The following ESR1 variants were observed in gnomAD, a reference collection of about 807,000 sequenced individuals.
ESR1 encodes estrogen receptor.
A neutral mutation model predicts 52.7 loss-of-function variants in ESR1; 12 were observed. The observed-to-expected ratio is 0.23, with a 90% CI of 0.15 to 0.37. ESR1 has a LOEUF of 0.37. ESR1 is among the 10% of genes least tolerant of loss of function. The pLI is 1.00. For missense variants in ESR1, 584 were observed against 779.7 expected, an observed-to-expected ratio of 0.75 and a Z score of 2.99; for synonymous variants, 305 against 316.8, an observed-to-expected ratio of 0.96 and a Z score of 0.39.
chr6:152,082,813 CCAAT>C (rs2049343190), intron 6 of ESR1, among the ~76,000 whole-genome samples: 1 of 152,152 alleles, frequency 6.6e-6, no homozygotes, highest in Admixed American at 6.5e-5. Context: ...TTCCTGTACA[CCAAT>C]AATAGACAAA....
At chr6:151,997,086 A>C (rs2041557331) in intron 4 of ESR1, among the ~76,000 whole-genome samples, 2 of 152,014 alleles carry the variant, frequency 1.3e-5, no homozygotes, top group South Asian at 2.1e-4. Flanking sequence ...AAAAACAAAA[A>C]AAAAACAAAG....
intron 2 of ESR1, among the ~76,000 whole-genome samples, chr6:151,759,401 A>C (rs1333664788): frequency 4.6e-5 from 7 of 152,034 alleles, no homozygotes; most frequent in African/African-American, 1.7e-4. Flanking sequence ...TCATTGGGAG[A>C]TATACTTAAT....
chr6:151,718,664 C>T (rs1781231809), intron 2 of ESR1, among the ~76,000 whole-genome samples: 2 of 152,180 alleles, frequency 1.3e-5, no homozygotes, highest in South Asian at 2.1e-4. Flanking sequence ...TGTTTGCTGA[C>T]AATTAGTGAT....
chr6:151,695,785 GC>G lies in ESR1; in HGVS notation c.-202+5122del, dbSNP rs1210116723. Reference sequence around the variant, plus strand: ...AGCAATAACTGGTCAGAATTTATTTGCTTAAAACCATGTAAAGAAAGGTGCT... The same window carrying G: ...AGCAATAACTGGTCAGAATTTATTTGTTAAAACCATGTAAAGAAAGGTGCT... On this transcript the variant is annotated intron_variant, in intron 1 of 2. Transcript: ENST00000404742. Among the ~76,000 whole-genome samples, 4 of 152,204 alleles carry G rather than the reference GC, an allele frequency of 2.6e-5. No homozygotes were observed. In the East Asian group the frequency reaches 7.7e-4, roughly 29 times the overall value.
chr6:151,774,659 TA>T (rs1176480835), intron 2 of ESR1, among the ~76,000 whole-genome samples: 30 of 152,330 alleles, frequency 2.0e-4, no homozygotes, highest in Admixed American at 5.2e-4. Context: ...TCCATTTAGA[TA>T]GTCTATATTA....
chr6:151,883,738 T>C (rs1415178453), intron 3 of ESR1, among the ~76,000 whole-genome samples: 1 of 152,142 alleles, frequency 6.6e-6, no homozygotes, highest in African/African-American at 2.4e-5. Context: ...CTCATAGCTC[T>C]GGAGGCTGAA....
chr6:151,917,491 T>C (rs1310736932), intron 3 of ESR1, among the ~76,000 whole-genome samples: 1 of 152,118 alleles, frequency 6.6e-6, no homozygotes, highest in Non-Finnish European at 1.5e-5. Context: ...GAATTTTTAT[T>C]AAAATAAAAT....
chr6:151,724,844 TACAGATGGTA>T (rs1300832547), intron 2 of ESR1, among the ~76,000 whole-genome samples: 2 of 152,168 alleles, frequency 1.3e-5, no homozygotes, highest in African/African-American at 4.8e-5. Flanking sequence ...CCAGAGTTAT[TACAGATGGTA>T]ACATCTGATG....
chr6:151,727,980 C>T (rs370917623), intron 2 of ESR1, among the ~76,000 whole-genome samples: 5 of 152,154 alleles, frequency 3.3e-5, no homozygotes, highest in Non-Finnish European at 5.9e-5. Flanking sequence ...TTCATAGCAG[C>T]GTGAAAATTA....
rs74470687 is a variant in ESR1 at position 151,870,472 on chromosome 6, G to C, written c.644-10183G>C. 8.1e-3 allele frequency among the ~76,000 whole-genome samples: 1,237 copies of C among 152,200 alleles called. 14 individuals carry two copies. Among genetic ancestry groups the C allele is most frequent in the African/African-American group, 0.028 (1,170 of 41,530 alleles). On this transcript the variant is annotated intron_variant, in intron 2 of 7. Coordinates refer to ENST00000206249, the MANE Select transcript of ESR1 (RefSeq NM_000125.4). The stretch of plus-strand genomic sequence containing the variant: ...ATTTAGGTGCTCTTGTTCAGTCATC[G>C]TCAAGTTCTTTTTATTTCACCAACC...
upstream of ESR1, chr6:151,690,376 C>T (rs1201191261): frequency 1.3e-5 from 2 of 152,154 alleles, no homozygotes; most frequent in Non-Finnish European, 2.9e-5. Flanking sequence ...AAGTTAGATT[C>T]GGGCCTGGCT....
intron 3 of ESR1, among the ~76,000 whole-genome samples, chr6:151,938,546 G>A (rs145679085): frequency 0.013 from 1,936 of 152,142 alleles, 18 homozygotes; most frequent in Non-Finnish European, 0.02. Context: ...ACAAGTTGTC[G>A]CCTGTACTGC....
In ESR1 at chr6:151,665,424, A is replaced by G. The variant is rs564281934; in HGVS notation, n.73+8661A>G. Among the ~76,000 whole-genome samples, 11 of 152,284 alleles carry G rather than the reference A, an allele frequency of 7.2e-5. No individual in the cohort carries two copies. In the East Asian group the frequency reaches 2.1e-3, roughly 29 times the overall value. ...CTCAGAGAGATTTTGTTTTAAAGAG[A>G]CAATGCAGTTAGAGGATCGTGATCT... is the stretch of plus-strand genomic sequence containing the variant. On this transcript the variant is annotated intron_variant and non_coding_transcript_variant, in intron 1 of 2. Transcript: ENST00000473497.
rs142651624 is a variant in ESR1 at position 152,116,153 on chromosome 6, C to T, written c.851-9113C>T. Among the ~76,000 whole-genome samples, 308 of 152,158 alleles carry T rather than the reference C, an allele frequency of 2.0e-3. 2 individuals are homozygous for T. Among genetic ancestry groups the T allele is most frequent in the African/African-American group, 6.7e-3 (278 of 41,508 alleles). ...CATCACGACTTTTTTAGAAAGCAAACGGGCAGAATTTATTAAAATTTACTA... is the reference window on the plus strand; with the variant it reads ...CATCACGACTTTTTTAGAAAGCAAATGGGCAGAATTTATTAAAATTTACTA... On this transcript the variant is annotated intron_variant, in intron 6 of 6. Transcript: ENST00000427531.
intron 2 of ESR1, among the ~76,000 whole-genome samples, chr6:151,729,194 GGA>G (rs1342614909): frequency 6.6e-6 from 1 of 152,162 alleles, no homozygotes; most frequent in Non-Finnish European, 1.5e-5. Context: ...AAGAGGCCTA[GGA>G]GAGCTAGCTT....
At chr6:151,885,803 C>T (rs575287162) in intron 3 of ESR1, among the ~76,000 whole-genome samples, 18 of 152,030 alleles carry the variant, frequency 1.2e-4, no homozygotes, top group Non-Finnish European at 1.8e-4. Flanking sequence ...TGCAGTGAGC[C>T]GAGATTGCAC....
intron 4 of ESR1, among the ~76,000 whole-genome samples, chr6:151,968,725 C>T (rs972030230): frequency 6.6e-6 from 1 of 152,098 alleles, no homozygotes; most frequent in Non-Finnish European, 1.5e-5. Context: ...CCATGCCTCT[C>T]CCTACACTGG....
rs1359517633 is a variant in ESR1, at chr6:152,102,810, T to C, written c.*3844T>C. ...ATTGTGCCTGAACTTTTAAAATATG[T>C]AAATGCTGCCATGTTCCAAACCCAT... On this transcript the variant is annotated 3_prime_UTR_variant, in exon 8 of 8. Transcript: ENST00000206249. 2 of 225,006 alleles carry C rather than the reference T, an allele frequency of 8.9e-6. No homozygotes were observed. Among genetic ancestry groups the C allele is most frequent in the Admixed American group, 5.7e-5 (1 of 17,450 alleles). The allele number at this position is 225,006 out of a possible 1,614,324, so 13.9% of individuals were successfully genotyped here.
At chr6:151,830,611 T>G (rs1030522936) in intron 1 of ESR1, among the ~76,000 whole-genome samples, 1 of 152,212 alleles carries the variant, frequency 6.6e-6, no homozygotes, top group East Asian at 1.9e-4. Context: ...AATGGATTGG[T>G]AAGAATAAAG....
Sources: allele counts gnomAD v4.1 joint callset (sites outside exome capture counted in the v4.1 genomes callset), GRCh38; gene constraint gnomAD v4.1.1; transcripts MANE v1.5; gene names NCBI Gene and HGNC (gene_info 2026-07-23, HGNC 2026-07-21).